The following SLC8A1 variants were observed in gnomAD, a reference collection of about 807,000 sequenced individuals.
SLC8A1 encodes solute carrier family 8 member A1.
Under a neutral mutation model 68.3 loss-of-function variants are expected in SLC8A1, and 18 were observed. That is an observed-to-expected ratio of 0.26 (90% CI 0.18 to 0.39). The LOEUF (loss-of-function observed/expected upper bound fraction) is 0.39. SLC8A1 is among the 10% of genes least tolerant of loss of function. The pLI is 1.00. For synonymous variants in SLC8A1, 475 were observed against 415.5 expected, an observed-to-expected ratio of 1.14 and a Z score of -1.74; for missense variants, 985 against 1,156.7, an observed-to-expected ratio of 0.85 and a Z score of 2.15.
exon 2 of SLC8A1, chr2:40,429,405 G>T: frequency 6.2e-7 from 1 of 1,613,610 alleles, no homozygotes; most frequent in Non-Finnish European, 8.5e-7. Flanking sequence ...CCACTTTCCC[G>T]TCCATTTCAA....
At chr2:40,429,061 C>G in exon 2 of SLC8A1, 1 of 1,612,024 alleles carries the variant, frequency 6.2e-7, no homozygotes, top group Non-Finnish European at 8.5e-7. Flanking sequence ...GAAGATCTTA[C>G]TAACAGGGTC....
chr2:40,163,068 G>A (rs1311494844), intron 5 of SLC8A1, among the ~76,000 whole-genome samples: 1 of 152,150 alleles, frequency 6.6e-6, no homozygotes, highest in Non-Finnish European at 1.5e-5. Flanking sequence ...CTATACTGAT[G>A]AACTTTGAAG....
intron 2 of SLC8A1, among the ~76,000 whole-genome samples, chr2:40,407,062 C>G (rs1312905433): frequency 6.6e-6 from 1 of 152,020 alleles, no homozygotes; most frequent in Non-Finnish European, 1.5e-5. Context: ...TGTCACTCAG[C>G]AGATTTGTGT....
intron 2 of SLC8A1, among the ~76,000 whole-genome samples, chr2:40,218,764 G>C (rs183897455): frequency 6.7e-5 from 10 of 149,808 alleles, no homozygotes; most frequent in African/African-American, 2.4e-4. Flanking sequence ...TGCTTGCAGA[G>C]ATTGGTAGAC....
chr2:40,289,899 TAAG>T (rs919169380), intron 2 of SLC8A1, among the ~76,000 whole-genome samples: 1 of 150,488 alleles, frequency 6.6e-6, no homozygotes, highest in African/African-American at 2.5e-5. Context: ...AATTAAAAAA[TAAG>T]GAGGAAAAAA....
At chr2:40,186,929 T>C (rs747855802) in intron 2 of SLC8A1, among the ~76,000 whole-genome samples, 14 of 152,238 alleles carry the variant, frequency 9.2e-5, no homozygotes, top group Non-Finnish European at 1.3e-4. Flanking sequence ...ATATATTGCA[T>C]GCAAAAATTA....
At chr2:40,109,303 T>C (rs1020489465) in exon 8 of SLC8A1, 4 of 152,142 alleles carry the variant, frequency 2.6e-5, no homozygotes, top group Admixed American at 1.3e-4. Flanking sequence ...GTTTACATAC[T>C]CCACCTTTGT....
chr2:40,409,665 G>C (rs902637155), intron 2 of SLC8A1, among the ~76,000 whole-genome samples: 3 of 152,096 alleles, frequency 2.0e-5, no homozygotes, highest in Non-Finnish European at 4.4e-5. Flanking sequence ...GAGTGGAAAG[G>C]AATAAGAGCA....
At chr2:40,421,758 G>T (rs1695564121) in intron 2 of SLC8A1, among the ~76,000 whole-genome samples, 1 of 152,128 alleles carries the variant, frequency 6.6e-6, no homozygotes, top group Non-Finnish European at 1.5e-5. Context: ...CAAGTCCTCA[G>T]GAGAAAGGCA....
chr2:40,388,372 G>A (rs1252387885), intron 2 of SLC8A1, among the ~76,000 whole-genome samples: 4 of 152,048 alleles, frequency 2.6e-5, no homozygotes, highest in African/African-American at 4.8e-5. Flanking sequence ...AGAAGATGAC[G>A]TTCATCTGAG....
In SLC8A1 at chr2:40,428,831, T is replaced by C. The variant is rs1559643210; in HGVS notation, c.1450A>G (p.Ile484Val). Residue 484 changes from isoleucine to valine, a missense_variant, in exon 2 of 8, where the codon ATC (isoleucine) becomes GTC (valine). Ile to Val is a conservative substitution (Grantham distance 29). Transcript: ENST00000406785. ...AGGAAATTTTCATCCTCCTCAAAGATATCATCATCTATGATACCCACTCTG... is the reference window on the plus strand; with the variant it reads ...AGGAAATTTTCATCCTCCTCAAAGACATCATCATCTATGATACCCACTCTG... 1 of 1,613,824 alleles carries C rather than the reference T, an allele frequency of 6.2e-7. No homozygotes were observed.
intron 2 of SLC8A1, among the ~76,000 whole-genome samples, chr2:40,187,241 C>T (rs770570707): frequency 5.3e-5 from 8 of 152,196 alleles, no homozygotes; most frequent in East Asian, 3.8e-4. Context: ...AGGATACGCA[C>T]AGGGATCTGA....
At chr2:40,209,191 GTTGAAATCTGAAA>G (rs1420645531) in intron 2 of SLC8A1, 2 of 152,140 alleles carry the variant, frequency 1.3e-5, no homozygotes, top group East Asian at 3.9e-4. Context: ...AGAGATGGCA[GTTGAAATCTGAAA>G]TAGGATCATC....
chr2:40,376,582 G>A (rs556301715), intron 2 of SLC8A1, among the ~76,000 whole-genome samples: 326 of 152,004 alleles, frequency 2.1e-3, no homozygotes, highest in Middle Eastern at 6.8e-3. Context: ...GAAAAGAAAG[G>A]AAAAGGGAAA....
intron 2 of SLC8A1, among the ~76,000 whole-genome samples, chr2:40,267,924 T>A (rs1006967650): frequency 6.6e-6 from 1 of 152,106 alleles, no homozygotes; most frequent in Admixed American, 6.6e-5. Context: ...CAGGATGACA[T>A]GAGGGAGATT....
At chr2:40,200,268 A>ATATAT (rs1244614805) in intron 2 of SLC8A1, among the ~76,000 whole-genome samples, 1 of 92,982 alleles carries the variant, frequency 1.1e-5, no homozygotes. Context: ...ATATATATAT[A>ATATAT]ACCTCTTTTA....
At chr2:40,150,548 A>G (rs1399266568) in intron 6 of SLC8A1, among the ~76,000 whole-genome samples, 1 of 152,240 alleles carries the variant, frequency 6.6e-6, no homozygotes, top group East Asian at 1.9e-4. Flanking sequence ...CCATGCCAAC[A>G]AAAGAGCTCT....
chr2:40,457,698 C>T (rs1191640456), intron 1 of SLC8A1, among the ~76,000 whole-genome samples: 1 of 152,154 alleles, frequency 6.6e-6, no homozygotes, highest in Non-Finnish European at 1.5e-5. Flanking sequence ...ATTCTATTTT[C>T]CCATTCTTTT....
At chr2:40,361,464 CTTT>C (rs60746878) in intron 2 of SLC8A1, among the ~76,000 whole-genome samples, 6,335 of 147,020 alleles carry the variant, frequency 0.043, 166 homozygotes, top group Middle Eastern at 0.071. Flanking sequence ...CTGAAGGAGC[CTTT>C]TTTTTTTTTT....
Sources: allele counts gnomAD v4.1 joint callset (sites outside exome capture counted in the v4.1 genomes callset), GRCh38; gene constraint gnomAD v4.1.1; transcripts MANE v1.5; gene names NCBI Gene and HGNC (gene_info 2026-07-23, HGNC 2026-07-21).